OTP: variants seen among roughly 807,000 people sequenced by gnomAD.
The protein encoded by OTP is orthopedia homeobox.
A neutral mutation model predicts 22.3 loss-of-function variants in OTP; 5 were observed. That is an observed-to-expected ratio of 0.22 (90% confidence interval 0.12 to 0.47). OTP has a LOEUF of 0.47. Ranked by LOEUF, OTP falls within the 20% of genes least tolerant of loss-of-function variation. The pLI is 0.99. For synonymous variants in OTP, 229 were observed against 210.6 expected (o/e 1.09, Z -0.76); for missense variants, 428 against 456.2 (o/e 0.94, Z 0.56).
At chr5:77,636,762 T>A in intron 2 of OTP, 59 bp downstream of exon 2, 2 of 1,535,350 alleles carry the variant, frequency 1.3e-6, no homozygotes, top group South Asian at 2.5e-5. Flanking sequence ...CCTGCTCCCT[T>A]TGCCCAAATC....
Position 77,637,077 on chromosome 5 carries a change from G to A in OTP, c.191C>T (p.Thr64Ile). The A allele has an allele frequency of 6.2e-7, 1 of 1,613,424 alleles. No individual in the cohort carries two copies. Among genetic ancestry groups the A allele is most frequent in the Non-Finnish European group, 8.5e-7 (1 of 1,179,828 alleles). Residue 64 changes from threonine (T) to isoleucine (I), a missense_variant, in exon 2 of 3, where the codon ACC (threonine) becomes ATC (isoleucine). Transcript: ENST00000306422. ...CGAGGCCGGAGTAGAGCCCACTGTGGTGATGTCCTCCCCGGGCAGCAGAGT... is the reference window on the plus strand; with the variant it reads ...CGAGGCCGGAGTAGAGCCCACTGTGATGATGTCCTCCCCGGGCAGCAGAGT... Reference protein sequence around the residue: ...GATLLPGEDITTVGSTPASLA... With the variant: ...GATLLPGEDIITVGSTPASLA...
At chr5:77,636,671 G>C in intron 2 of OTP, 150 bp downstream of exon 2, 2 of 717,076 alleles carry the variant, frequency 2.8e-6, no homozygotes, top group Non-Finnish European at 2.2e-6. Context: ...CCAGTTTCCG[G>C]GTAGAGAAGG....
Position 77,630,687 on chromosome 5 carries a change from C to G in OTP, c.555G>C (p.Pro185=), listed in dbSNP as rs1448612722. The change falls in exon 3 of 3, where the codon CCG becomes CCC. Residue 185 remains proline (P), a synonymous_variant. Transcript: ENST00000306422. The stretch of plus-strand genomic sequence containing the variant: ...CGGCGGCAGCGGCGGCGGCAGCCGA[C>G]GGGAACTGAGGCAGGCCTGGCGTGG... ...LLPTPGLPQF[P]SAAAAAAAAM... 1 of 1,581,590 alleles carries G rather than the reference C, an allele frequency of 6.3e-7. No individual in the cohort carries two copies. Among genetic ancestry groups the G allele is most frequent in the Non-Finnish European group, 8.5e-7 (1 of 1,172,022 alleles).
chr5:77,636,069 C>G (rs1171028066), intron 2 of OTP: 1 of 152,192 alleles, frequency 6.6e-6, no homozygotes, highest in Admixed American at 6.5e-5. Context: ...TCCTCTACTG[C>G]CTGTCAACCT....
chr5:77,638,448 GGAACAAATT>G (rs1745043520), intron 1 of OTP, 56 bp downstream of exon 1: 4 of 1,489,136 alleles, frequency 2.7e-6, no homozygotes, highest in Admixed American at 2.0e-5. Context: ...GGTAAAATAA[GGAACAAATT>G]GACAATTTCC....
Position 77,630,240 on chromosome 5 carries a change from G to A in OTP, c.*24C>T, listed in dbSNP as rs1054682605. The stretch of plus-strand genomic sequence containing the variant: ...CGGCCCCCGGGGCGGTGCTGGGGGC[G>A]GAGCGGGCCGGGGCGCGGCTGCATT... On this transcript the variant is annotated 3_prime_UTR_variant, in exon 3 of 3. Coordinates refer to ENST00000306422, the MANE Select transcript of OTP (RefSeq NM_032109.3). 6.1e-6 allele frequency: 9 copies of A among 1,478,138 alleles called. No individual in the cohort carries two copies. In the African/African-American group the frequency reaches 1.3e-4, roughly 22 times the overall value. 91.6% of individuals were successfully genotyped at this position (1,478,138 alleles called of 1,614,324 possible).
Position 77,636,991 on chromosome 5 carries a change from T to C in OTP, c.277A>G (p.Ser93Gly). ...QPGPQGGPNP[S>G]QAGQQQGQQK... ...TGGCCCTGCTGCTGGCCGGCTTGGCTGGGGTTCGGGCCGCCCTGGGGCCCG... is the reference window on the plus strand; with the variant it reads ...TGGCCCTGCTGCTGGCCGGCTTGGCCGGGGTTCGGGCCGCCCTGGGGCCCG... Residue 93 changes from serine to glycine, a missense_variant, in exon 2 of 3, where the codon AGC (serine) becomes GGC (glycine). By Grantham distance (56) the Ser-to-Gly change is moderately conservative. Coordinates refer to ENST00000306422, the MANE Select transcript of OTP (RefSeq NM_032109.3). 2 of 1,613,700 alleles carry C rather than the reference T, an allele frequency of 1.2e-6. No individual in the cohort carries two copies. Among genetic ancestry groups the C allele is most frequent in the Non-Finnish European group, 1.7e-6 (2 of 1,179,898 alleles).
chr5:77,633,166 T>C (rs1289825993), intron 2 of OTP, among the ~76,000 whole-genome samples: 1 of 152,102 alleles, frequency 6.6e-6, no homozygotes, highest in Non-Finnish European at 1.5e-5. Context: ...GGGGGAGGAT[T>C]GCCCAGTAGA....
In OTP at chr5:77,630,253, G is replaced by A. The variant is rs747514934; in HGVS notation, c.*11C>T. Reference sequence around the variant, plus strand: ...GGTGCTGGGGGCGGAGCGGGCCGGGGCGCGGCTGCATTAAGTGAAGCTCAT... The same window carrying A: ...GGTGCTGGGGGCGGAGCGGGCCGGGACGCGGCTGCATTAAGTGAAGCTCAT... On this transcript the variant is annotated 3_prime_UTR_variant, in exon 3 of 3. Coordinates refer to ENST00000306422, the MANE Select transcript of OTP (RefSeq NM_032109.3). 9 of 1,502,256 alleles carry A rather than the reference G, an allele frequency of 6.0e-6. No homozygotes were observed. In the South Asian group the frequency reaches 6.2e-5, roughly 10 times the overall value. 93.1% of individuals were successfully genotyped at this position (1,502,256 alleles called of 1,614,324 possible). A position where few individuals can be genotyped will look rare whatever the true frequency, so the allele number is the denominator to read the frequency against.
intron 2 of OTP, 83 bp from the exon 3 acceptor site, chr5:77,630,877 C>G (rs1744919429): frequency 2.2e-6 from 3 of 1,385,878 alleles, no homozygotes; most frequent in Non-Finnish European, 9.5e-7. Flanking sequence ...CCCCAGAAAC[C>G]CGCCTCGGAT....
chr5:77,634,596 A>G (rs1426632328), intron 2 of OTP, among the ~76,000 whole-genome samples: 1 of 152,226 alleles, frequency 6.6e-6, no homozygotes, highest in East Asian at 1.9e-4. Context: ...AAAGAAAACT[A>G]TGAAGTATTG....
At chr5:77,638,396 ACAATTAC>A (rs1745043117) in intron 1 of OTP, 110 bp downstream of exon 1, 3 of 994,286 alleles carry the variant, frequency 3.0e-6, no homozygotes, top group African/African-American at 1.6e-5. Context: ...TTAATGCAGC[ACAATTAC>A]TTTTAAAGAA....
intron 1 of OTP, 85 bp from the exon 2 acceptor site, chr5:77,637,315 G>T: frequency 7.1e-7 from 1 of 1,406,148 alleles, no homozygotes; most frequent in Non-Finnish European, 9.4e-7. Context: ...CCTTCAACCC[G>T]TCCTCGGCCC....
At position 77,629,904 on chromosome 5, in the gene OTP, C is replaced by G. The variant is rs1744894367; in HGVS notation, c.*360G>C. On this transcript the variant is annotated 3_prime_UTR_variant, in exon 3 of 3. Coordinates refer to ENST00000306422, the MANE Select transcript of OTP (RefSeq NM_032109.3). ...CGAAGGTGTGGGTGGGAACGCCGCC[C>G]GTCAGAAGGCCAGGAGGAGGGCGCG... 5.7e-6 allele frequency: 1 copy of G among 174,110 alleles called. No homozygotes were observed. Among genetic ancestry groups the G allele is most frequent in the Non-Finnish European group, 1.2e-5 (1 of 83,070 alleles). 10.8% of individuals were successfully genotyped at this position (174,110 alleles called of 1,614,324 possible).
At chr5:77,636,049 A>C (rs74803026) in intron 2 of OTP, 13,895 of 152,232 alleles carry the variant, frequency 0.091, 715 homozygotes, top group East Asian at 0.2. Context: ...ATAAGGGGTC[A>C]GCAATGATTT....
At chr5:77,634,243 C>T (rs2112370169) in intron 2 of OTP, among the ~76,000 whole-genome samples, 1 of 152,252 alleles carries the variant, frequency 6.6e-6, no homozygotes, top group South Asian at 2.1e-4. Flanking sequence ...TTGCATGATT[C>T]TCACATTGCT....
In OTP at chr5:77,630,006, C is replaced by T; in HGVS notation, c.*258G>A. The T allele has an allele frequency of 4.4e-6, 1 of 225,096 alleles. No individual in the cohort carries two copies. Among genetic ancestry groups the T allele is most frequent in the Non-Finnish European group, 8.5e-6 (1 of 118,152 alleles). 13.9% of individuals were successfully genotyped at this position (225,096 alleles called of 1,614,324 possible). A position where few individuals can be genotyped will look rare whatever the true frequency, so the allele number is the denominator to read the frequency against. On this transcript the variant is annotated 3_prime_UTR_variant, in exon 3 of 3. Transcript: ENST00000306422. ...GGCGCTGGAGACCGAGCCGAGGGCG[C>T]AGCTGGGTGGGAAGGGAAGAGGGGC...
intron 1 of OTP, 30 bp downstream of exon 1, chr5:77,638,483 T>A (rs953206185): frequency 1.3e-6 from 2 of 1,564,650 alleles, no homozygotes; most frequent in African/African-American, 2.7e-5. Context: ...CGGCTTCTCC[T>A]GGCTGCCCGG....
At chr5:77,635,680 A>C (rs1482469354) in intron 2 of OTP, among the ~76,000 whole-genome samples, 1 of 152,214 alleles carries the variant, frequency 6.6e-6, no homozygotes, top group Non-Finnish European at 1.5e-5. Context: ...ATGTAAAGTA[A>C]CTAAGATCTT....
Sources: allele counts gnomAD v4.1 joint callset (sites outside exome capture counted in the v4.1 genomes callset), GRCh38; gene constraint gnomAD v4.1.1; transcripts MANE v1.5; gene names NCBI Gene and HGNC (gene_info 2026-07-23, HGNC 2026-07-21).